The following SGCZ variants were observed in gnomAD, a reference collection of about 807,000 sequenced individuals.
SGCZ encodes the protein zeta-sarcoglycan.
In SGCZ, 40 loss-of-function variants were observed where a neutral mutation model predicts 41.3. That is an observed-to-expected ratio of 0.97 (90% CI 0.75 to 1.26). SGCZ has a LOEUF of 1.26. Among genes scored for constraint, SGCZ ranks in the 50% most tolerant of loss-of-function variants. The pLI, the probability that SGCZ is intolerant of heterozygous loss-of-function variation, is 0.00. For synonymous variants in SGCZ, 206 were observed against 137.5 expected (o/e 1.50, Z -3.49); for missense variants, 552 against 369.8 (o/e 1.49, Z -4.04).
At chr8:15,205,008 T>C (rs569576749) in intron 1 of SGCZ, among the ~76,000 whole-genome samples, 1 of 152,152 alleles carries the variant, frequency 6.6e-6, no homozygotes, top group Non-Finnish European at 1.5e-5. Context: ...TACAGTAAAG[T>C]TTAAAATAGA....
intron 5 of SGCZ, among the ~76,000 whole-genome samples, chr8:14,127,551 G>A (rs376675351): frequency 2.0e-5 from 3 of 152,076 alleles, no homozygotes; most frequent in Admixed American, 2.0e-4. Context: ...CGCCTCCCGG[G>A]TTCATGCCAT....
chr8:14,190,000 T>C (rs1204993072), intron 4 of SGCZ, among the ~76,000 whole-genome samples: 1 of 91,498 alleles, frequency 1.1e-5, no homozygotes, highest in African/African-American at 4.6e-5. Context: ...AATCTACTTT[T>C]TCTTTCTTTC....
At chr8:15,110,842 C>G (rs748583894) in intron 1 of SGCZ, among the ~76,000 whole-genome samples, 1 of 152,076 alleles carries the variant, frequency 6.6e-6, no homozygotes, top group Non-Finnish European at 1.5e-5. Flanking sequence ...GTGGCATGCA[C>G]CTGTAATCCC....
At chr8:14,718,525 A>AG (rs1809772517) in intron 1 of SGCZ, among the ~76,000 whole-genome samples, 2 of 152,142 alleles carry the variant, frequency 1.3e-5, no homozygotes, top group African/African-American at 4.8e-5. Flanking sequence ...TAAATTAAAT[A>AG]TTGAAATCCT....
intron 2 of SGCZ, among the ~76,000 whole-genome samples, chr8:14,357,343 A>G (rs940616671): frequency 1.3e-5 from 2 of 152,224 alleles, no homozygotes; most frequent in Non-Finnish European, 2.9e-5. Context: ...TCTCATTTAT[A>G]TCTTCAATTA....
intron 1 of SGCZ, among the ~76,000 whole-genome samples, chr8:14,656,010 G>C (rs1458486396): frequency 6.6e-6 from 1 of 152,058 alleles, no homozygotes; most frequent in Non-Finnish European, 1.5e-5. Flanking sequence ...ACCCCTTGAA[G>C]CACATCAGGG....
rs1333561884 is a variant in SGCZ at position 14,997,917 on chromosome 8, G to A, written c.39+239668C>T. On this transcript the variant is annotated intron_variant, in intron 1 of 7. Transcript: ENST00000382080. ...GGAGGTTGCAGTGAGCCGAGATGGTGCCACTGCACTCCAGCCTGGGCGAAA... is the reference window on the plus strand; with the variant it reads ...GGAGGTTGCAGTGAGCCGAGATGGTACCACTGCACTCCAGCCTGGGCGAAA... 2.6e-5 allele frequency among the ~76,000 whole-genome samples: 4 copies of A among 152,046 alleles called. No individual in the cohort carries two copies. In the South Asian group the frequency reaches 8.3e-4, roughly 32 times the overall value.
chr8:14,587,329 C>T (rs1805092229), intron 1 of SGCZ, among the ~76,000 whole-genome samples: 1 of 150,980 alleles, frequency 6.6e-6, no homozygotes, highest in Non-Finnish European at 1.5e-5. Context: ...AAAATGCGTT[C>T]CACGAATGTG....
chr8:14,362,495 A>AG (rs113112925), intron 2 of SGCZ, among the ~76,000 whole-genome samples: 3,108 of 152,300 alleles, frequency 0.02, 89 homozygotes, highest in African/African-American at 0.058. Context: ...CGTGGGACCC[A>AG]AAAGCCAGGC....
intron 1 of SGCZ, among the ~76,000 whole-genome samples, chr8:15,203,460 C>T (rs1051509329): frequency 3.3e-5 from 5 of 152,036 alleles, no homozygotes; most frequent in Admixed American, 6.5e-5. Context: ...TAGAATACAC[C>T]GGATTGAGGG....
chr8:15,006,113 T>A (rs1802600296), intron 1 of SGCZ, among the ~76,000 whole-genome samples: 1 of 152,188 alleles, frequency 6.6e-6, no homozygotes, highest in South Asian at 2.1e-4. Context: ...TATTTTATAT[T>A]TATGCATTGT....
chr8:14,306,370 G>A (rs1672797095), intron 3 of SGCZ, among the ~76,000 whole-genome samples: 1 of 152,048 alleles, frequency 6.6e-6, no homozygotes, highest in Non-Finnish European at 1.5e-5. Flanking sequence ...TAAGAGATTA[G>A]GTGCTTGATT....
At chr8:14,888,925 T>G (rs1804908873) in intron 1 of SGCZ, among the ~76,000 whole-genome samples, 1 of 152,166 alleles carries the variant, frequency 6.6e-6, no homozygotes, top group Admixed American at 6.5e-5. Flanking sequence ...TACTCTTTCA[T>G]AAAACTTGGT....
At chr8:14,333,425 A>C (rs1025258691) in intron 2 of SGCZ, among the ~76,000 whole-genome samples, 5 of 152,130 alleles carry the variant, frequency 3.3e-5, no homozygotes, top group African/African-American at 7.2e-5. Context: ...CCATATGTTA[A>C]TCTTTTAACA....
chr8:14,336,254 A>AT (rs965176153), intron 2 of SGCZ, among the ~76,000 whole-genome samples: 3 of 152,034 alleles, frequency 2.0e-5, no homozygotes, highest in South Asian at 2.1e-4. Context: ...TATCATTCTT[A>AT]TTTTTTCTTG....
chr8:14,522,559 C>G (rs1802822233), intron 2 of SGCZ, among the ~76,000 whole-genome samples: 1 of 151,760 alleles, frequency 6.6e-6, no homozygotes, highest in East Asian at 1.9e-4. Flanking sequence ...CTGCAGAGCC[C>G]AGGGTGATAT....
At chr8:14,294,029 ATGG>A (rs920139240) in intron 3 of SGCZ, among the ~76,000 whole-genome samples, 1 of 151,828 alleles carries the variant, frequency 6.6e-6, no homozygotes, top group African/African-American at 2.4e-5. Context: ...TTTTTTCTAG[ATGG>A]TGATGTGCAT....
intron 2 of SGCZ, among the ~76,000 whole-genome samples, chr8:14,550,632 A>C (rs1270499731): frequency 6.6e-6 from 1 of 151,866 alleles, no homozygotes; most frequent in African/African-American, 2.4e-5. Context: ...CAACTTAATA[A>C]ATACCATTGC....
rs570986312 is a variant in SGCZ at position 14,874,880 on chromosome 8, A to G, written c.40-319954T>C. Among the ~76,000 whole-genome samples, 6 of 152,286 alleles carry G rather than the reference A, an allele frequency of 3.9e-5. No homozygotes were observed. The South Asian group carries it at 1.2e-3, about 32-fold the overall frequency. ...AAGCAGTATCCCACAATGCTCCTGT[A>G]AAGACATTTTTCATAAGTAACTAAA... On this transcript the variant is annotated intron_variant, in intron 1 of 7. Transcript: ENST00000382080.
Sources: allele counts gnomAD v4.1 joint callset (sites outside exome capture counted in the v4.1 genomes callset), GRCh38; gene constraint gnomAD v4.1.1; transcripts MANE v1.5; gene names NCBI Gene and HGNC (gene_info 2026-07-23, HGNC 2026-07-21).